The following PAK1 variants were observed in gnomAD, a reference collection of about 807,000 sequenced individuals.
PAK1 encodes p21 (RAC1) activated kinase 1.
PAK1 carries 29 observed loss-of-function variants against 67.4 expected under a neutral mutation model. The ratio of observed to expected loss-of-function variants is 0.43; its 90% confidence interval spans 0.32 to 0.59. The LOEUF (loss-of-function observed/expected upper bound fraction) is 0.59. PAK1 is among the 20% of genes least tolerant of loss of function. PAK1 has a pLI of 0.07. For synonymous variants in PAK1, 223 were observed against 237.4 expected (o/e 0.94, Z 0.56); for missense variants, 337 against 670.7 (o/e 0.50, Z 5.50).
intron 14 of PAK1, among the ~76,000 whole-genome samples, chr11:77,326,551 G>A (rs890694932): frequency 4.6e-5 from 7 of 152,132 alleles, no homozygotes; most frequent in African/African-American, 1.7e-4. Flanking sequence ...CAGGTATGGT[G>A]GTGCACGCCT....
chr11:77,462,985 T>TGGG (rs1957428855), intron 1 of PAK1, among the ~76,000 whole-genome samples: 4 of 30,688 alleles, frequency 1.3e-4, no homozygotes, highest in African/African-American at 2.6e-4. Context: ...AAAAAAAAGG[T>TGGG]GGGTGGGGGT....
intron 1 of PAK1, among the ~76,000 whole-genome samples, chr11:77,434,657 T>C (rs1306223878): frequency 6.6e-6 from 1 of 151,790 alleles, no homozygotes; most frequent in Non-Finnish European, 1.5e-5. Context: ...TCTCACTCTA[T>C]TACCAGGCTG....
At chr11:77,392,248 A>C (rs1951233101) in intron 2 of PAK1, 83 bp downstream of exon 2, 1 of 981,236 alleles carries the variant, frequency 1.0e-6, no homozygotes, top group Non-Finnish European at 1.5e-6. Context: ...AATTAAGTCA[A>C]AGACAACAGA....
At chr11:77,498,297 T>A in the PAK1 span, among the ~76,000 whole-genome samples, 2 of 152,224 alleles carry the variant, frequency 1.3e-5, no homozygotes, top group Non-Finnish European at 2.9e-5. Context: ...TCTAAAATTA[T>A]TCCAAAAGGA....
At chr11:77,402,361 G>C (rs946126425) in intron 1 of PAK1, among the ~76,000 whole-genome samples, 1 of 152,024 alleles carries the variant, frequency 6.6e-6, no homozygotes, top group East Asian at 1.9e-4. Context: ...CCGCACCTAC[G>C]CAACTTCCTC....
At chr11:77,431,517 G>A (rs1423130234) in intron 1 of PAK1, among the ~76,000 whole-genome samples, 1 of 152,148 alleles carries the variant, frequency 6.6e-6, no homozygotes, top group Non-Finnish European at 1.5e-5. Context: ...GATGCTAAGG[G>A]AAATGGTCTT....
At position 77,451,755 on chromosome 11, in the gene PAK1, C is replaced by T. The variant is rs544622816; in HGVS notation, c.-22+21797G>A. 7.6e-4 allele frequency among the ~76,000 whole-genome samples: 114 copies of T among 150,808 alleles called. 8 individuals carry two copies. Among genetic ancestry groups the T allele is most frequent in the African/African-American group, 2.5e-3 (103 of 40,554 alleles). On this transcript the variant is annotated intron_variant, in intron 1 of 14. Transcript: ENST00000356341. ...GCTGGGACTACAGGCGCCACCACCACGCCCGGCTAATTTTTTGTATTTTTA... is the reference window on the plus strand; with the variant it reads ...GCTGGGACTACAGGCGCCACCACCATGCCCGGCTAATTTTTTGTATTTTTA...
chr11:77,528,673 C>G, the PAK1 span, among the ~76,000 whole-genome samples: 7 of 152,192 alleles, frequency 4.6e-5, no homozygotes, highest in Non-Finnish European at 1.0e-4. Context: ...CTTCTTGAAT[C>G]TGTACTTTTC....
At chr11:77,353,808 C>G (rs1416848245) in intron 7 of PAK1, among the ~76,000 whole-genome samples, 1 of 152,096 alleles carries the variant, frequency 6.6e-6, no homozygotes, top group East Asian at 1.9e-4. Flanking sequence ...GTAAGCTATT[C>G]CATTTCTAAA....
chr11:77,371,015 CTATAT>C (rs1041077382), intron 5 of PAK1, among the ~76,000 whole-genome samples: 1 of 152,180 alleles, frequency 6.6e-6, no homozygotes, highest in Non-Finnish European at 1.5e-5. Flanking sequence ...TTACTTAACA[CTATAT>C]TATAAATCCT....
At chr11:77,484,754 C>G in the PAK1 span, among the ~76,000 whole-genome samples, 1 of 152,192 alleles carries the variant, frequency 6.6e-6, no homozygotes, top group Non-Finnish European at 1.5e-5. Context: ...AACATTAAAA[C>G]AATTGGACTC....
chr11:77,406,682 G>A (rs1953617322), intron 1 of PAK1, among the ~76,000 whole-genome samples: 1 of 152,240 alleles, frequency 6.6e-6, no homozygotes, highest in Non-Finnish European at 1.5e-5. Context: ...AGAGGCTGAG[G>A]TGGGAGGATT....
the PAK1 span, among the ~76,000 whole-genome samples, chr11:77,507,953 A>T: frequency 1.3e-5 from 2 of 152,174 alleles, no homozygotes; most frequent in African/African-American, 4.8e-5. Context: ...CACCATCCAG[A>T]TCTCTCCAGC....
At chr11:77,420,817 G>A (rs1955220018) in intron 1 of PAK1, among the ~76,000 whole-genome samples, 1 of 152,150 alleles carries the variant, frequency 6.6e-6, no homozygotes, top group African/African-American at 2.4e-5. Flanking sequence ...TAAAACAACT[G>A]GGTAAGTGCT....
At chr11:77,498,988 C>T in the PAK1 span, among the ~76,000 whole-genome samples, 2 of 151,964 alleles carry the variant, frequency 1.3e-5, no homozygotes, top group African/African-American at 4.8e-5. Flanking sequence ...CATGAGCCAC[C>T]ACGCCCTGCC....
the PAK1 span, among the ~76,000 whole-genome samples, chr11:77,502,070 A>G: frequency 1.3e-5 from 2 of 152,384 alleles, no homozygotes; most frequent in East Asian, 3.9e-4. Context: ...TATTGGCGCC[A>G]AAGATTAAGA....
chr11:77,383,526 A>AG lies in PAK1; in HGVS notation c.191-3533_191-3532insC, dbSNP rs542344830. 8.5e-5 allele frequency among the ~76,000 whole-genome samples: 13 copies of AG among 152,118 alleles called. No individual in the cohort carries two copies. In the East Asian group the frequency reaches 2.5e-3, roughly 29 times the overall value. On this transcript the variant is annotated intron_variant, in intron 2 of 14. Transcript: ENST00000356341. ...TTTGCAGTAGAGACAGGGTTTCACC[A>AG]TGTTGCCAGGCTGGTCTCGAACTCC...
At chr11:77,412,175 G>C (rs933315445) in intron 1 of PAK1, 3 of 152,600 alleles carry the variant, frequency 2.0e-5, no homozygotes, top group African/African-American at 7.2e-5. Context: ...GGGCTTGTCA[G>C]AGTCCTGTGT....
intron 1 of PAK1, among the ~76,000 whole-genome samples, chr11:77,427,516 A>G (rs1291015796): frequency 2.6e-5 from 4 of 152,188 alleles, no homozygotes; most frequent in African/African-American, 4.8e-5. Context: ...TTGTAGTCAG[A>G]GCCTCTCAGA....
Sources: gnomAD v4.1 joint callset for allele counts (sites outside exome capture counted in the v4.1 genomes callset) on GRCh38, gnomAD v4.1.1 for gene constraint, MANE v1.5 for transcripts, NCBI Gene and HGNC (gene_info 2026-07-23, HGNC 2026-07-21) for gene names.